IRF7: variants seen among roughly 807,000 people sequenced by gnomAD.
IRF7 encodes the protein interferon regulatory factor 7, also known as interferon regulatory factor-7H.
Under a neutral mutation model 51.3 loss-of-function variants are expected in IRF7, and 67 were observed. The observed-to-expected ratio is 1.31, with a 90% confidence interval of 1.07 to 1.60. The LOEUF is 1.60. Ranked by LOEUF, IRF7 falls within the 40% of genes most tolerant of loss-of-function variation. The pLI is 0.00. For synonymous variants in IRF7, 427 were observed against 301.3 expected (o/e 1.42, Z -4.32); for missense variants, 873 against 701.5 (o/e 1.24, Z -2.76).
chr11:614,732 A>G, intron 4 of IRF7, 65 bp downstream of exon 4: 1 of 1,480,884 alleles, frequency 6.8e-7, no homozygotes, highest in Non-Finnish European at 9.0e-7. Context: ...AATCTGACCC[A>G]GAGAATGTTC....
chr11:614,941 C>A lies in IRF7; in HGVS notation c.250G>T (p.Glu84Ter). ...SRGGGPPPEA[E>*]TAERAGWKTN... ...TTCCAGCCGGCGCGCTCCGCAGTCT[C>A]AGCCTCGGGGGGCGGGCCACCTCCC... is the stretch of plus-strand genomic sequence containing the variant. The change falls in exon 4 of 11, where the codon GAG (glutamate) becomes TAG (stop). Residue 84 changes from glutamate to a stop codon, truncating the protein, a stop_gained. Transcript: ENST00000525445. LOFTEE classifies it high-confidence loss of function. 6.3e-7 allele frequency: 1 copy of A among 1,576,090 alleles called. No individual in the cohort carries two copies. Among genetic ancestry groups the A allele is most frequent in the Non-Finnish European group, 8.6e-7 (1 of 1,163,598 alleles).
chr11:614,603 GC>G, intron 4 of IRF7, 69 bp from the exon 5 acceptor site: 1 of 1,518,616 alleles, frequency 6.6e-7, no homozygotes. Context: ...GCCTGGTGTA[GC>G]CCCCACCAGC....
rs922193033 is a variant in IRF7 at position 615,938 on chromosome 11, G to A, written c.-309C>T. 6.5e-6 allele frequency: 1 copy of A among 152,946 alleles called. No individual in the cohort carries two copies. Among genetic ancestry groups the A allele is most frequent in the African/African-American group, 2.4e-5 (1 of 41,502 alleles). The allele number at this position is 152,946 out of a possible 1,614,324, so 9.5% of individuals were successfully genotyped here. ...CTGGGTGCCAGAGCCGCCGGGACGG[G>A]AAGTTTCGTCTCGCGGGGAAGCGGA... is the stretch of plus-strand genomic sequence containing the variant. On this transcript the variant is annotated 5_prime_UTR_variant, in exon 1 of 11. Transcript: ENST00000525445.
chr11:614,653 TG>T, intron 4 of IRF7, 119 bp from the exon 5 acceptor site: 1 of 1,400,900 alleles, frequency 7.1e-7, no homozygotes, highest in Non-Finnish European at 9.7e-7. Flanking sequence ...CCTGAGGAGG[TG>T]GGGATGTGGC....
chr11:613,444 G>T lies in IRF7; in HGVS notation c.999C>A (p.Ser333Arg). 1 of 1,553,878 alleles carries T rather than the reference G, an allele frequency of 6.4e-7. No individual in the cohort carries two copies. The highest frequency in any genetic ancestry group is 8.7e-7 in the Non-Finnish European group (1 of 1,149,968). ...ATDPQQVAFP[S>R]PAELPDQKQL... ...GCTTCTGGTCCGGGAGCTCGGCAGGGCTGGGGAATGCTACCTGCTGGGGGT... is the reference window on the plus strand; with the variant it reads ...GCTTCTGGTCCGGGAGCTCGGCAGGTCTGGGGAATGCTACCTGCTGGGGGT... Residue 333 changes from serine to arginine, a missense_variant, in exon 9 of 11, where the codon AGC becomes AGA. Transcript: ENST00000525445.
rs1204771540 is a variant in IRF7, at chr11:614,402, G to C, written c.454-3C>G. The C allele has an allele frequency of 1.3e-6, 2 of 1,598,714 alleles. No individual in the cohort carries two copies. Among genetic ancestry groups the C allele is most frequent in the Admixed American group, 1.7e-5 (1 of 57,652 alleles). On this transcript the variant is annotated splice_polypyrimidine_tract_variant and splice_region_variant and intron_variant, in intron 5 of 10. Coordinates refer to ENST00000525445, the MANE Select transcript of IRF7 (RefSeq NM_001572.5). Reference sequence around the variant, plus strand: ...AGGAATGGCCCTGGGGGCCCACCCTGCAGGGAAAAGTCAGGGTGAACGTAA... The same window carrying C: ...AGGAATGGCCCTGGGGGCCCACCCTCCAGGGAAAAGTCAGGGTGAACGTAA...
At chr11:612,898 G>T (rs1856518590) in intron 10 of IRF7, 98 bp from the exon 11 acceptor site, 4 of 1,587,720 alleles carry the variant, frequency 2.5e-6, no homozygotes, top group Non-Finnish European at 3.4e-6. Context: ...CAGTGACCCG[G>T]TGTATGGCCT....
rs767789503 is a variant in IRF7 at position 613,348 on chromosome 11, C to G, written c.1095G>C (p.Gln365His). The G allele has an allele frequency of 6.2e-6, 10 of 1,611,318 alleles. No individual in the cohort carries two copies. Among genetic ancestry groups the G allele is most frequent in the Non-Finnish European group, 7.6e-6 (9 of 1,179,492 alleles). Residue 365 changes from glutamine to histidine, a missense_variant, in exon 9 of 11, where the codon CAG becomes CAC. Physicochemically the swap from Gln to His is conservative, Grantham distance 24. Coordinates refer to ENST00000525445, the MANE Select transcript of IRF7 (RefSeq NM_001572.5). The part of the protein sequence containing the change: ...PGLHLELRGP[Q>H]LWARRMGKCK... ...ACTTGCCCATGCGCCGGGCCCACAG[C>G]TGTGGCCCCCGAAGCTCCAGGTGCA... is the stretch of plus-strand genomic sequence containing the variant.
In IRF7 at chr11:613,236, G is replaced by C; in HGVS notation, c.1207C>G (p.Pro403Ala). 1 of 1,593,832 alleles carries C rather than the reference G, an allele frequency of 6.3e-7. No homozygotes were observed. The highest frequency in any genetic ancestry group is 8.5e-7 in the Non-Finnish European group (1 of 1,170,514). ...ACLLPRNCDT[P>A]IFDFRVFFQE... The stretch of plus-strand genomic sequence containing the variant: ...AAGAAGACTCTGAAGTCGAAGATGG[G>C]GGTGTCACAGTTCCGAGGCAGCAGG... The change falls in exon 9 of 11, where the codon CCC becomes GCC. Residue 403 changes from proline to alanine, a missense_variant. Pro to Ala is a conservative substitution (Grantham distance 27). Coordinates refer to ENST00000525445, the MANE Select transcript of IRF7 (RefSeq NM_001572.5).
rs763997590 is a variant in IRF7, at chr11:613,065, GATGGT to G, written c.1285_1289del (p.Thr429LeufsTer38). On this transcript the variant is annotated frameshift_variant, in exon 10 of 11. Transcript: ENST00000525445. LOFTEE classifies it high-confidence loss of function. ...ACAGGTCCTGCCCGAAGCCCAGGTA[GATGGT>G]ATAGCGTGGGGAGCCACGGCGCTGC... 2 of 1,613,146 alleles carry G rather than the reference GATGGT, an allele frequency of 1.2e-6. No homozygotes were observed. Among genetic ancestry groups the G allele is most frequent in the South Asian group, 2.2e-5 (2 of 91,092 alleles).
chr11:615,182 A>G lies in IRF7; in HGVS notation c.98T>C (p.Leu33Pro). 2 of 1,604,148 alleles carry G rather than the reference A, an allele frequency of 1.2e-6. No homozygotes were observed. Among genetic ancestry groups the G allele is most frequent in the Non-Finnish European group, 1.7e-6 (2 of 1,178,838 alleles). ...GCGGAAACAGGTGCGGGCCTCGTCC[A>G]GCCACTGCAGCCCCTCATAGCAGCC... ...SSGCYEGLQW[L>P]DEARTCFRVP... Residue 33 changes from leucine to proline, a missense_variant, in exon 3 of 11, where the codon CTG (leucine) becomes CCG (proline). Physicochemically the swap from Leu to Pro is moderately conservative, Grantham distance 98. Transcript: ENST00000525445.
rs771254063 is a variant in IRF7 at position 613,567 on chromosome 11, G to A, written c.876C>T (p.Thr292=). The stretch of plus-strand genomic sequence containing the variant: ...GCACCGTGCGGCCCTTGTACATGAT[G>A]GTCACGTCCAGCGCCCCTGGGCTGG... The part of the protein sequence containing the change: ...QEPSPGALDV[T]IMYKGRTVLQ... The change falls in exon 9 of 11, where the codon ACC becomes ACT. Residue 292 remains threonine, a synonymous_variant. Transcript: ENST00000525445. The A allele has an allele frequency of 3.6e-5, 57 of 1,576,348 alleles. No individual in the cohort carries two copies. The highest frequency in any genetic ancestry group is 4.7e-5 in the Non-Finnish European group (55 of 1,163,472).
In IRF7 at chr11:613,094, G is replaced by A. The variant is rs375323253; in HGVS notation, c.1261C>T (p.Gln421Ter). The A allele has an allele frequency of 1.2e-6, 2 of 1,612,944 alleles. No individual in the cohort carries two copies. Among genetic ancestry groups the A allele is most frequent in the African/African-American group, 1.3e-5 (1 of 74,936 alleles). Residue 421 changes from glutamine to a stop codon, truncating the protein, a stop_gained, in exon 10 of 11, where the codon CAG (glutamine) becomes TAG (stop). Coordinates refer to ENST00000525445, the MANE Select transcript of IRF7 (RefSeq NM_001572.5). LOFTEE classifies it high-confidence loss of function. ...GTATAGCGTGGGGAGCCACGGCGCT[G>A]CCGTGCCCGGAATTCCACCAGCTCT... ...FQELVEFRAR[Q>*]RRGSPRYTIY...
rs149920266 is a variant in IRF7, at chr11:615,566, T to C, written c.-202A>G. On this transcript the variant is annotated 5_prime_UTR_variant, in exon 2 of 11. Coordinates refer to ENST00000525445, the MANE Select transcript of IRF7 (RefSeq NM_001572.5). ...TGGCAGAGGGGGCTACAGGTGTGAC[T>C]GCAGGTGTGGCCGGCGCGCACACAT... is the stretch of plus-strand genomic sequence containing the variant. 1,870 of 542,324 alleles carry C rather than the reference T, an allele frequency of 3.4e-3. 4 individuals are homozygous for C. Among genetic ancestry groups the C allele is most frequent in the Middle Eastern group, 0.013 (27 of 2,054 alleles). The allele number at this position is 542,324 out of a possible 1,614,324, so 33.6% of individuals were successfully genotyped here.
At position 613,225 on chromosome 11, in the gene IRF7, G is replaced by A; in HGVS notation, c.1218C>T (p.Asp406=). 1.9e-6 allele frequency: 3 copies of A among 1,591,176 alleles called. No individual in the cohort carries two copies. Among genetic ancestry groups the A allele is most frequent in the Non-Finnish European group, 1.7e-6 (2 of 1,168,462 alleles). Residue 406 remains aspartate, a synonymous_variant, in exon 9 of 11, where the codon GAC becomes GAT. Transcript: ENST00000525445. ...ACTGACCTTGGAAGAAGACTCTGAA[G>A]TCGAAGATGGGGGTGTCACAGTTCC... ...LPRNCDTPIF[D]FRVFFQELVE... is the part of the protein sequence containing the mutation.
At position 613,015 on chromosome 11, in the gene IRF7, C is replaced by T. The variant is rs1856529724; in HGVS notation, c.1340G>A (p.Ser447Asn). Reference protein sequence around the residue: ...DLSAGRPKEKSLVLVKLEPWL... With the variant: ...DLSAGRPKEKNLVLVKLEPWL... ...TGGTCTCACCTTCACCAGGACCAGG[C>T]TCTTCTCCTTGGGCCTCCCAGCTGA... is the stretch of plus-strand genomic sequence containing the variant. Residue 447 changes from serine to asparagine, a missense_variant, in exon 10 of 11, where the codon AGC (serine) becomes AAC (asparagine). Coordinates refer to ENST00000525445, the MANE Select transcript of IRF7 (RefSeq NM_001572.5). 3 of 1,613,026 alleles carry T rather than the reference C, an allele frequency of 1.9e-6. No individual in the cohort carries two copies. Among genetic ancestry groups the T allele is most frequent in the South Asian group, 2.2e-5 (2 of 91,092 alleles).
intron 6 of IRF7, 64 bp downstream of exon 6, chr11:614,110 T>TA (rs1856662853): frequency 6.3e-7 from 1 of 1,579,888 alleles, no homozygotes; most frequent in African/African-American, 1.4e-5. Flanking sequence ...AGCCCCCTTC[T>TA]AAAGTGTCCG....
In IRF7 at chr11:613,081, G is replaced by A. The variant is rs1390666233; in HGVS notation, c.1274C>T (p.Ser425Phe). ...GCCCAGGTAGATGGTATAGCGTGGGGAGCCACGGCGCTGCCGTGCCCGGAA... is the reference window on the plus strand; with the variant it reads ...GCCCAGGTAGATGGTATAGCGTGGGAAGCCACGGCGCTGCCGTGCCCGGAA... ...VEFRARQRRG[S>F]PRYTIYLGFG... Residue 425 changes from serine (S) to phenylalanine (F), a missense_variant, in exon 10 of 11, where the codon TCC becomes TTC. Transcript: ENST00000525445. The A allele has an allele frequency of 6.2e-7, 1 of 1,613,088 alleles. No homozygotes were observed. The highest frequency in any genetic ancestry group is 8.5e-7 in the Non-Finnish European group (1 of 1,179,982).
In IRF7 at chr11:613,246, G is replaced by C. The variant is rs1170269409; in HGVS notation, c.1197C>G (p.Asn399Lys). ...PSTPACLLPR[N>K]CDTPIFDFRV... ...TGAAGTCGAAGATGGGGGTGTCACA[G>C]TTCCGAGGCAGCAGGCAGGCTGGGG... The change falls in exon 9 of 11, where the codon AAC (asparagine) becomes AAG (lysine). Residue 399 changes from asparagine to lysine, a missense_variant. Asn to Lys is a moderately conservative substitution (Grantham distance 94, BLOSUM62 0). Transcript: ENST00000525445. The C allele has an allele frequency of 6.3e-7, 1 of 1,596,596 alleles. No homozygotes were observed. The highest frequency in any genetic ancestry group is 2.2e-5 in the East Asian group (1 of 44,718).
Sources: allele counts gnomAD v4.1 joint callset, GRCh38; gene constraint gnomAD v4.1.1; transcripts MANE v1.5; gene names NCBI Gene and HGNC (gene_info 2026-07-23, HGNC 2026-07-21).